ESRRB: variants seen among roughly 807,000 people sequenced by gnomAD.
ESRRB encodes the protein steroid hormone receptor ERR2.
ESRRB carries 16 observed loss-of-function variants against 46.0 expected under a neutral mutation model. The ratio of observed to expected loss-of-function variants is 0.35; its 90% confidence interval spans 0.24 to 0.53. The LOEUF (loss-of-function observed/expected upper bound fraction) is 0.53, where lower values mean the gene tolerates loss of function less well. ESRRB is among the 20% of genes least tolerant of loss of function. The probability of loss-of-function intolerance (pLI) is 0.93; values close to 1 mark genes in which losing one functional copy is unlikely to be tolerated. For missense variants in ESRRB, 488 were observed against 607.4 expected (o/e 0.80, Z 2.07); for synonymous variants, 246 against 259.6 (o/e 0.95, Z 0.50).
chr14:76,463,875 A>G (rs1015541988), intron 3 of ESRRB, among the ~76,000 whole-genome samples: 1 of 151,966 alleles, frequency 6.6e-6, no homozygotes, highest in Non-Finnish European at 1.5e-5. Context: ...TTATATTAAA[A>G]TATTATTGAT....
rs1183555839 is a variant in ESRRB, at chr14:76,482,752, C to T, written c.843C>T (p.His281=). 6 of 1,613,958 alleles carry T rather than the reference C, an allele frequency of 3.7e-6. No homozygotes were observed. The highest frequency in any genetic ancestry group is 1.3e-5 in the African/African-American group (1 of 74,906). The change falls in exon 5 of 7, where the codon CAC becomes CAT. Residue 281 remains histidine, a synonymous_variant. Coordinates refer to ENST00000644823, the MANE Select transcript of ESRRB (RefSeq NM_001379180.1). The surrounding 1 kb of genome is among the most constrained non-coding windows in gnomAD (Gnocchi z 4.3). ...ELVVIIGWAK[H]IPGFSSLSLG... ...TGGTCATCATTGGCTGGGCCAAGCA[C>T]ATCCCAGGTGAGCATGTGGGACCAG... is the stretch of plus-strand genomic sequence containing the variant.
At position 76,498,932 on chromosome 14, in the gene ESRRB, A is replaced by G; in HGVS notation, c.*474A>G. On this transcript the variant is annotated 3_prime_UTR_variant, in exon 7 of 7. Transcript: ENST00000644823. ...GGGCAGGTACGCAAGGGACAACAGT[A>G]TCTTTCTTCCAGAGGTCCTACCTGC... 1 of 496,108 alleles carries G rather than the reference A, an allele frequency of 2.0e-6. No individual in the cohort carries two copies. The highest frequency in any genetic ancestry group is 4.2e-6 in the Non-Finnish European group (1 of 237,696). The allele number at this position is 496,108 out of a possible 1,614,324, so 30.7% of individuals were successfully genotyped here.
At chr14:76,379,892 C>G (rs1407141746) in intron 1 of ESRRB, among the ~76,000 whole-genome samples, 1 of 139,622 alleles carries the variant, frequency 7.2e-6, no homozygotes, top group Non-Finnish European at 1.5e-5. Flanking sequence ...AGAGAAACAA[C>G]CTGGCCACAA....
chr14:76,407,334 C>T (rs61481879), intron 1 of ESRRB: 15,978 of 154,050 alleles, frequency 0.1, 975 homozygotes, highest in East Asian at 0.28. Context: ...TTTTGCTGAG[C>T]GGGACACAAA....
intron 1 of ESRRB, among the ~76,000 whole-genome samples, chr14:76,417,944 C>CTTT (rs869242837): frequency 6.0e-4 from 55 of 91,292 alleles, no homozygotes; most frequent in African/African-American, 1.6e-3. Flanking sequence ...CTTTTACATA[C>CTTT]TTTTTTTTTT....
intron 2 of ESRRB, among the ~76,000 whole-genome samples, chr14:76,460,709 A>ATTTTTTTTTTT (rs58597850): frequency 3.5e-5 from 5 of 141,556 alleles, no homozygotes; most frequent in African/African-American, 5.8e-5. Context: ...TTCCAGTTAC[A>ATTTTTTTTTTT]TTTTTTTTTG....
chr14:76,396,249 T>C (rs1053212984), intron 1 of ESRRB, among the ~76,000 whole-genome samples: 3 of 152,040 alleles, frequency 2.0e-5, no homozygotes, highest in Non-Finnish European at 4.4e-5. Flanking sequence ...GAGATAAAAA[T>C]ACAGGCAACA....
chr14:76,450,192 G>A (rs537738664), intron 2 of ESRRB, among the ~76,000 whole-genome samples: 14 of 152,196 alleles, frequency 9.2e-5, no homozygotes, highest in Non-Finnish European at 1.6e-4. Context: ...GTGCTAATAA[G>A]GTGACTTTTA....
chr14:76,383,745 A>G (rs1885108547), intron 1 of ESRRB, among the ~76,000 whole-genome samples: 1 of 152,052 alleles, frequency 6.6e-6, no homozygotes, highest in African/African-American at 2.4e-5. Flanking sequence ...TTAGTTGGGT[A>G]AAGTCCCAAA....
At chr14:76,409,995 G>GCACCTCA in intron 1 of ESRRB, among the ~76,000 whole-genome samples, 1 of 152,132 alleles carries the variant, frequency 6.6e-6, no homozygotes, top group Non-Finnish European at 1.5e-5. Flanking sequence ...AGGCTGAGGG[G>GCACCTCA]GGTGGATCAC....
intron 1 of ESRRB, among the ~76,000 whole-genome samples, chr14:76,429,125 AT>A (rs1192349737): frequency 2.0e-5 from 3 of 152,038 alleles, no homozygotes; most frequent in African/African-American, 4.8e-5. Context: ...CATAGAGGGT[AT>A]TGGGGGGCTG....
At chr14:76,356,786 G>A (rs74069816) in intron 1 of ESRRB, among the ~76,000 whole-genome samples, 5,793 of 152,296 alleles carry the variant, frequency 0.038, 163 homozygotes, top group East Asian at 0.12. Flanking sequence ...CCCCATCAGC[G>A]CATGGTCCTG....
chr14:76,339,342 G>A (rs1165395877), intron 1 of ESRRB, among the ~76,000 whole-genome samples: 1 of 152,098 alleles, frequency 6.6e-6, no homozygotes, highest in Non-Finnish European at 1.5e-5. Flanking sequence ...CACTTACTTT[G>A]TAGGATTTGT....
chr14:76,414,376 G>A (rs891820818), intron 1 of ESRRB, among the ~76,000 whole-genome samples: 1 of 150,996 alleles, frequency 6.6e-6, no homozygotes, highest in Non-Finnish European at 1.5e-5. Flanking sequence ...TAGGGTTGCT[G>A]TGAATAGGAA....
chr14:76,456,333 C>T (rs1888612109), intron 2 of ESRRB, among the ~76,000 whole-genome samples: 1 of 152,156 alleles, frequency 6.6e-6, no homozygotes, highest in Non-Finnish European at 1.5e-5. Context: ...GACAGGTGTG[C>T]TCCATGTGCC....
At chr14:76,421,967 A>C (rs1280330104) in intron 1 of ESRRB, among the ~76,000 whole-genome samples, 1 of 152,200 alleles carries the variant, frequency 6.6e-6, no homozygotes, top group Non-Finnish European at 1.5e-5. Flanking sequence ...ATTGAAATGC[A>C]AAATAACATT....
At chr14:76,457,334 CTTAT>C (rs1348484575) in intron 2 of ESRRB, among the ~76,000 whole-genome samples, 2 of 152,182 alleles carry the variant, frequency 1.3e-5, no homozygotes, top group African/African-American at 4.8e-5. Flanking sequence ...CTAGAAAAGA[CTTAT>C]CCTGGAATCC....
At chr14:76,353,025 C>G (rs959199373) in intron 1 of ESRRB, among the ~76,000 whole-genome samples, 1 of 152,242 alleles carries the variant, frequency 6.6e-6, no homozygotes. Context: ...ACAGGCACGT[C>G]CCGTGGCCAC....
At chr14:76,334,338 C>G (rs1242429290) in intron 1 of ESRRB, among the ~76,000 whole-genome samples, 1 of 152,046 alleles carries the variant, frequency 6.6e-6, no homozygotes, top group African/African-American at 2.4e-5. Context: ...CTCTAAGGGC[C>G]GAGACCTTGA....
Sources: allele counts gnomAD v4.1 joint callset (sites outside exome capture counted in the v4.1 genomes callset), GRCh38; gene constraint gnomAD v4.1.1; non-coding constraint Gnocchi (gnomAD v3.1); transcripts MANE v1.5; gene names NCBI Gene and HGNC (gene_info 2026-07-23, HGNC 2026-07-21).